TNFRSF1B: variants seen among roughly 807,000 people sequenced by gnomAD.
The protein encoded by TNFRSF1B is tumor necrosis factor receptor superfamily member 1B.
In TNFRSF1B, 19 loss-of-function variants were observed where a neutral mutation model predicts 44.6. The ratio of observed to expected loss-of-function variants is 0.43; its 90% CI spans 0.30 to 0.62. The LOEUF (loss-of-function observed/expected upper bound fraction) is 0.62. Ranked by LOEUF, TNFRSF1B falls within the 20% of genes least tolerant of loss-of-function variation. TNFRSF1B has a pLI of 0.16. For synonymous variants in TNFRSF1B, 252 were observed against 261.1 expected (o/e 0.97, Z 0.34); for missense variants, 541 against 619.9 (o/e 0.87, Z 1.35).
chr1:12,169,655 C>T lies in TNFRSF1B; in HGVS notation c.78+2486C>T, dbSNP rs993369036. Among the ~76,000 whole-genome samples, 3 of 152,250 alleles carry T rather than the reference C, an allele frequency of 2.0e-5. No homozygotes were observed. The highest frequency in any genetic ancestry group is 6.5e-5 in the Admixed American group (1 of 15,288). On this transcript the variant is annotated intron_variant, in intron 1 of 9. Transcript: ENST00000376259. The surrounding 1 kb of genome is among the most constrained non-coding windows in gnomAD (Gnocchi z 4.5). ...GACCTGAGCTAGCCATGGACGCAGC[C>T]GACTCACTGCCAGCAGGGCTTTTGC...
chr1:12,192,100 G>A (rs1224272637), intron 4 of TNFRSF1B, among the ~76,000 whole-genome samples, 177 bp downstream of exon 4: 1 of 152,228 alleles, frequency 6.6e-6, no homozygotes, highest in Non-Finnish European at 1.5e-5. Context: ...CTTCCTGCCA[G>A]CACTCCCGAT....
At chr1:12,182,842 C>T (rs970105062) in intron 1 of TNFRSF1B, among the ~76,000 whole-genome samples, 4 of 152,210 alleles carry the variant, frequency 2.6e-5, no homozygotes, top group Non-Finnish European at 5.9e-5. Context: ...AGAGACAGCT[C>T]CCATCTGGGA....
chr1:12,201,592 C>T (rs1030008664), intron 8 of TNFRSF1B, among the ~76,000 whole-genome samples: 23 of 151,994 alleles, frequency 1.5e-4, no homozygotes, highest in Non-Finnish European at 2.2e-4. Context: ...CTCTTGGTTG[C>T]TAGGCTGGGC....
At chr1:12,204,818 C>CAAA (rs142394737) in intron 9 of TNFRSF1B, among the ~76,000 whole-genome samples, 3 of 151,288 alleles carry the variant, frequency 2.0e-5, no homozygotes, top group African/African-American at 7.3e-5. Flanking sequence ...CCACCACCAA[C>CAAA]AAAAAAACCC....
intron 3 of TNFRSF1B, among the ~76,000 whole-genome samples, 160 bp downstream of exon 3, chr1:12,191,245 C>T (rs1448790089): frequency 1.3e-5 from 2 of 152,272 alleles, no homozygotes; most frequent in Non-Finnish European, 2.9e-5. Context: ...GCATTTTCCT[C>T]CTCTGTCTCA....
At chr1:12,176,859 G>A (rs1449979810) in intron 1 of TNFRSF1B, among the ~76,000 whole-genome samples, 1 of 152,158 alleles carries the variant, frequency 6.6e-6, no homozygotes, top group Non-Finnish European at 1.5e-5. Context: ...GGGAGGAGGA[G>A]GAAGCCTTTG....
intron 8 of TNFRSF1B, among the ~76,000 whole-genome samples, chr1:12,201,539 G>C (rs190392917): frequency 6.6e-6 from 1 of 151,970 alleles, no homozygotes; most frequent in Non-Finnish European, 1.5e-5. Context: ...GTGAGTGGTA[G>C]AGTCATGATT....
intron 4 of TNFRSF1B, among the ~76,000 whole-genome samples, 191 bp downstream of exon 4, chr1:12,192,114 G>A (rs1181610388): frequency 6.6e-6 from 1 of 152,214 alleles, no homozygotes; most frequent in Non-Finnish European, 1.5e-5. Flanking sequence ...TCCCGATTAG[G>A]CACCTCTTAT....
chr1:12,205,784 G>T (rs1057241858), intron 9 of TNFRSF1B, among the ~76,000 whole-genome samples: 1 of 150,416 alleles, frequency 6.6e-6, no homozygotes, highest in African/African-American at 2.5e-5. Flanking sequence ...ACCATACCCG[G>T]CTAATTTTTT....
chr1:12,184,151 T>G (rs1638920483), intron 1 of TNFRSF1B, among the ~76,000 whole-genome samples: 1 of 152,178 alleles, frequency 6.6e-6, no homozygotes, highest in African/African-American at 2.4e-5. Flanking sequence ...AGCCCTGCAT[T>G]TCCTAGAGAA....
intron 9 of TNFRSF1B, among the ~76,000 whole-genome samples, chr1:12,203,433 C>G (rs1438840297): frequency 6.6e-6 from 1 of 152,190 alleles, no homozygotes; most frequent in Non-Finnish European, 1.5e-5. Flanking sequence ...TCACTGCGCC[C>G]CTGCCTCTTG....
Position 12,188,910 on chromosome 1 carries a change from G to A in TNFRSF1B, c.178+15G>A, listed in dbSNP as rs17882763. On this transcript the variant is annotated intron_variant, in intron 2 of 9. Transcript: ENST00000376259. ...ATGCTCGCCGGGTGAGGGCAGCCAC[G>A]GGGGCACTCGGGGCCCATGCCCTGG... 7,044 of 1,608,444 alleles carry A rather than the reference G, an allele frequency of 4.4e-3. 19 individuals are homozygous for A. Among genetic ancestry groups the A allele is most frequent in the Non-Finnish European group, 4.9e-3 (5,774 of 1,177,348 alleles).
At chr1:12,198,975 G>T (rs922467343) in intron 8 of TNFRSF1B, among the ~76,000 whole-genome samples, 2 of 152,080 alleles carry the variant, frequency 1.3e-5, no homozygotes, top group African/African-American at 2.4e-5. Flanking sequence ...TTACAGGTGT[G>T]AGCCACTGCG....
intron 1 of TNFRSF1B, among the ~76,000 whole-genome samples, chr1:12,183,747 A>AT (rs1638897768): frequency 4.0e-5 from 5 of 124,846 alleles, no homozygotes; most frequent in Admixed American, 7.6e-5. Context: ...CTATCTATCT[A>AT]TCTAGCTAGC....
intron 1 of TNFRSF1B, among the ~76,000 whole-genome samples, chr1:12,179,045 G>A (rs974903806): frequency 1.3e-5 from 2 of 152,056 alleles, no homozygotes; most frequent in African/African-American, 4.8e-5. Context: ...GGGAGAGGCT[G>A]GGGCGTCTCT....
In TNFRSF1B at chr1:12,183,748, T is replaced by TCTATCTAGCTAG. The variant is rs1279334157; in HGVS notation, c.79-5045_79-5044insTCTAGCTAGCTA. Among the ~76,000 whole-genome samples the TCTATCTAGCTAG allele has an allele frequency of 4.6e-3, 539 of 116,998 alleles. 15 individuals carry two copies. Among genetic ancestry groups the TCTATCTAGCTAG allele is most frequent in the South Asian group, 9.7e-3 (32 of 3,310 alleles). The allele number at this position is 116,998 out of a possible 152,430, so 76.8% of individuals were successfully genotyped here. On this transcript the variant is annotated intron_variant, in intron 1 of 9. Transcript: ENST00000376259. Reference sequence around the variant, plus strand: ...ATCTATCTATCTATCTATCTATCTATCTAGCTAGCTAGCTAGCTAGCTATC... The same window carrying TCTATCTAGCTAG: ...ATCTATCTATCTATCTATCTATCTATCTATCTAGCTAGCTAGCTAGCTAGCTAGCTAGCTATC...
chr1:12,199,889 C>CT lies in TNFRSF1B; in HGVS notation c.901-2072dup, dbSNP rs541619645. Among the ~76,000 whole-genome samples the CT allele has an allele frequency of 3.9e-5, 6 of 152,320 alleles. No individual in the cohort carries two copies. Among genetic ancestry groups the CT allele is most frequent in the African/African-American group, 1.4e-4 (6 of 41,564 alleles). On this transcript the variant is annotated intron_variant, in intron 8 of 9. Transcript: ENST00000376259. This position sits in a 1 kb window ranked among gnomAD's most constrained non-coding sequence, Gnocchi z 4.0. The stretch of plus-strand genomic sequence containing the variant: ...TTGGGAATGTGGCCTGTGCCATCTC[C>CT]TTTTTTGCTGGGATCAGAAAACAAT...
At position 12,202,188 on chromosome 1, in the gene TNFRSF1B, C is replaced by T. The variant is rs376661401; in HGVS notation, c.1105+17C>T. 7.1e-6 allele frequency: 11 copies of T among 1,539,576 alleles called. No homozygotes were observed. The East Asian group carries it at 7.3e-5, about 10-fold the overall frequency. On this transcript the variant is annotated intron_variant, in intron 9 of 9. Coordinates refer to ENST00000376259, the MANE Select transcript of TNFRSF1B (RefSeq NM_001066.3). Reference sequence around the variant, plus strand: ...GGAGCTCAGGTAAGAGGTGGGAGCACACCTGGCTTCTTCCCAAGCCTCCTT... The same window carrying T: ...GGAGCTCAGGTAAGAGGTGGGAGCATACCTGGCTTCTTCCCAAGCCTCCTT...
Position 12,207,082 on chromosome 1 carries a change from G to A in TNFRSF1B, c.*62G>A, listed in dbSNP as rs370508215. The A allele has an allele frequency of 6.7e-6, 10 of 1,498,322 alleles. No individual in the cohort carries two copies. The highest frequency in any genetic ancestry group is 2.7e-6 in the Non-Finnish European group (3 of 1,119,832). 92.8% of individuals were successfully genotyped at this position (1,498,322 alleles called of 1,614,324 possible). ...CTGAGCCCTGGCAGGATGACCCTGC[G>A]AAGGGGCCCTGGTCCTTCCAGGCCC... On this transcript the variant is annotated 3_prime_UTR_variant, in exon 10 of 10. Transcript: ENST00000376259.
Sources: gnomAD v4.1 joint callset for allele counts (sites outside exome capture counted in the v4.1 genomes callset) on GRCh38, gnomAD v4.1.1 for gene constraint, Gnocchi (gnomAD v3.1) non-coding constraint, MANE v1.5 for transcripts, NCBI Gene and HGNC (gene_info 2026-07-23, HGNC 2026-07-21) for gene names.